The following PTPRD variants were observed in gnomAD, a reference collection of about 807,000 sequenced individuals.
The protein encoded by PTPRD is receptor-type tyrosine-protein phosphatase delta.
Under a neutral mutation model 214.5 loss-of-function variants are expected in PTPRD, and 34 were observed. The ratio of observed to expected loss-of-function variants is 0.16; its 90% CI spans 0.12 to 0.21. The LOEUF (loss-of-function observed/expected upper bound fraction) is 0.21, where lower values mean the gene tolerates loss of function less well. Among genes scored for constraint, PTPRD ranks in the 10% least tolerant of loss-of-function variants. The probability of loss-of-function intolerance (pLI) is 1.00; values close to 1 mark genes in which losing one functional copy is unlikely to be tolerated. For missense variants in PTPRD, 2,545 were observed against 2,398.7 expected (o/e 1.06, Z -1.27); for synonymous variants, 1,128 against 845.7 (o/e 1.33, Z -5.79).
chr9:9,787,231 A>G (rs1047697072), intron 5 of PTPRD, among the ~76,000 whole-genome samples: 1 of 151,828 alleles, frequency 6.6e-6, no homozygotes, highest in Non-Finnish European at 1.5e-5. Flanking sequence ...AAAAAAAAAG[A>G]ACAAACAGTA....
intron 2 of PTPRD, among the ~76,000 whole-genome samples, chr9:10,412,957 A>T (rs1435109071): frequency 1.3e-5 from 2 of 151,910 alleles, no homozygotes; most frequent in Non-Finnish European, 2.9e-5. Context: ...TTGAAGGAAC[A>T]TACTTCAAAA....
chr9:9,183,607 A>T (rs1341659502), intron 9 of PTPRD, among the ~76,000 whole-genome samples: 14 of 152,052 alleles, frequency 9.2e-5, no homozygotes, highest in Non-Finnish European at 1.9e-4. Context: ...AATATTGACT[A>T]TTCTTTAAAA....
intron 5 of PTPRD, among the ~76,000 whole-genome samples, chr9:9,844,905 AC>A (rs1265275321): frequency 1.3e-5 from 2 of 151,350 alleles, no homozygotes; most frequent in African/African-American, 4.8e-5. Flanking sequence ...GCTTGTTAGC[AC>A]AGAAAACTTG....
chr9:8,911,267 G>C (rs2098745264), intron 11 of PTPRD, among the ~76,000 whole-genome samples: 1 of 152,192 alleles, frequency 6.6e-6, no homozygotes, highest in Non-Finnish European at 1.5e-5. Flanking sequence ...TAGAACCGAA[G>C]TGAGACTCCA....
intron 9 of PTPRD, among the ~76,000 whole-genome samples, chr9:9,270,397 T>C (rs1344066673): frequency 6.6e-6 from 1 of 151,210 alleles, no homozygotes; most frequent in Non-Finnish European, 1.5e-5. Flanking sequence ...GCTAAAAATA[T>C]GAAGAATAAG....
chr9:8,580,881 C>T (rs959735879), intron 14 of PTPRD, among the ~76,000 whole-genome samples: 13 of 152,060 alleles, frequency 8.5e-5, no homozygotes, highest in Non-Finnish European at 1.5e-4. Context: ...AAGTAGGAAG[C>T]CAAACAGTAG....
intron 6 of PTPRD, among the ~76,000 whole-genome samples, chr9:9,753,861 T>A (rs554517666): frequency 2.0e-5 from 3 of 152,038 alleles, no homozygotes; most frequent in Non-Finnish European, 4.4e-5. Context: ...TATCCTTACA[T>A]TGAATCCATG....
chr9:9,491,080 A>G (rs2095873387), intron 8 of PTPRD, among the ~76,000 whole-genome samples: 1 of 151,930 alleles, frequency 6.6e-6, no homozygotes, highest in African/African-American at 2.4e-5. Flanking sequence ...AGACACAAAC[A>G]AGTTGAAAGT....
chr9:8,340,498 T>TTAAAG lies in PTPRD; in HGVS notation c.5127-34_5127-30dup, dbSNP rs762052373. 37 of 1,533,792 alleles carry TTAAAG rather than the reference T, an allele frequency of 2.4e-5. No individual in the cohort carries two copies. The Admixed American group carries it at 3.6e-4, about 15-fold the overall frequency. ...AATTACAGAGAATGAAAAGAATGTG[T>TTAAAG]TAAAGTATTTAGAGAACATGCAAAA... On this transcript the variant is annotated intron_variant, in intron 41 of 45. Transcript: ENST00000381196.
chr9:9,086,329 C>T (rs755892769), intron 10 of PTPRD, among the ~76,000 whole-genome samples: 43 of 152,096 alleles, frequency 2.8e-4, no homozygotes, highest in Admixed American at 3.3e-4. Flanking sequence ...TAATCTAGAA[C>T]GCATGCTGTT....
At chr9:10,533,148 C>T (rs1209910758) in intron 2 of PTPRD, among the ~76,000 whole-genome samples, 1 of 152,076 alleles carries the variant, frequency 6.6e-6, no homozygotes, top group Non-Finnish European at 1.5e-5. Flanking sequence ...TCTTTGCATA[C>T]ACAGGTTCCA....
At chr9:10,497,199 A>T (rs1017980847) in intron 2 of PTPRD, among the ~76,000 whole-genome samples, 4 of 151,934 alleles carry the variant, frequency 2.6e-5, no homozygotes, top group Non-Finnish European at 5.9e-5. Context: ...TACTAGTACT[A>T]TGCTCACCAC....
chr9:10,322,023 G>A (rs1201957671), intron 3 of PTPRD, among the ~76,000 whole-genome samples: 1 of 151,950 alleles, frequency 6.6e-6, no homozygotes, highest in Non-Finnish European at 1.5e-5. Flanking sequence ...TATGTCCCAG[G>A]ATTTCAAAAT....
Position 8,739,319 on chromosome 9 carries a change from C to G in PTPRD, c.-103-5373G>C, listed in dbSNP as rs368625741. On this transcript the variant is annotated intron_variant, in intron 11 of 45. Coordinates refer to ENST00000381196, the MANE Select transcript of PTPRD (RefSeq NM_002839.4). Reference sequence around the variant, plus strand: ...GGATTTTCCAAGAGAAGGGAGCCATCTAAATATTTTAACGTGGTATAAAAC... The same window carrying G: ...GGATTTTCCAAGAGAAGGGAGCCATGTAAATATTTTAACGTGGTATAAAAC... Among the ~76,000 whole-genome samples, 52 of 152,318 alleles carry G rather than the reference C, an allele frequency of 3.4e-4. No homozygotes were observed. The South Asian group carries it at 6.6e-3, about 19-fold the overall frequency.
intron 12 of PTPRD, among the ~76,000 whole-genome samples, chr9:8,639,280 A>G (rs1458142431): frequency 6.6e-6 from 1 of 152,252 alleles, no homozygotes; most frequent in African/African-American, 2.4e-5. Context: ...GCAAATTGAT[A>G]ATAACTACTT....
At chr9:10,231,690 G>T (rs1031486747) in intron 3 of PTPRD, among the ~76,000 whole-genome samples, 15 of 151,816 alleles carry the variant, frequency 9.9e-5, no homozygotes, top group African/African-American at 2.4e-4. Context: ...GTGATTTTTG[G>T]CTAGCCATTT....
intron 38 of PTPRD, 125 bp from the exon 39 acceptor site, chr9:8,376,215 G>C (rs2083195241): frequency 1.8e-6 from 2 of 1,098,938 alleles, no homozygotes; most frequent in Non-Finnish European, 2.5e-6. Flanking sequence ...TGTAGCCTTT[G>C]GGAAGACACA....
chr9:9,852,481 A>G (rs2060728062), intron 5 of PTPRD, among the ~76,000 whole-genome samples: 2 of 152,114 alleles, frequency 1.3e-5, no homozygotes, highest in African/African-American at 2.4e-5. Context: ...CTATTTTAAC[A>G]TATATTTAAT....
intron 9 of PTPRD, among the ~76,000 whole-genome samples, chr9:9,214,244 A>C (rs1286808679): frequency 5.3e-5 from 8 of 152,200 alleles, no homozygotes; most frequent in African/African-American, 1.9e-4. Context: ...AGTGCTCCAG[A>C]TGCCCTCCAG....
Sources: allele counts gnomAD v4.1 joint callset (sites outside exome capture counted in the v4.1 genomes callset), GRCh38; gene constraint gnomAD v4.1.1; transcripts MANE v1.5; gene names NCBI Gene and HGNC (gene_info 2026-07-23, HGNC 2026-07-21).